TXNDC16: variants seen among roughly 807,000 people sequenced by gnomAD.
TXNDC16 encodes thioredoxin domain containing 16.
TXNDC16 carries 74 observed loss-of-function variants against 85.6 expected under a neutral mutation model. That is an observed-to-expected ratio of 0.86 (90% CI 0.72 to 1.05). The LOEUF (loss-of-function observed/expected upper bound fraction) is 1.05, where lower values mean the gene tolerates loss of function less well. TXNDC16 is among the 50% of genes least tolerant of loss of function. TXNDC16 has a pLI of 0.00. For synonymous variants in TXNDC16, 335 were observed against 326.5 expected (o/e 1.03, Z -0.28); for missense variants, 959 against 947.0 (o/e 1.01, Z -0.17).
intron 14 of TXNDC16, among the ~76,000 whole-genome samples, chr14:52,472,135 T>C (rs1222580670): frequency 2.0e-5 from 3 of 151,942 alleles, no homozygotes; most frequent in Admixed American, 6.6e-5. Context: ...TAATAACTTA[T>C]CACTTTAGAT....
At chr14:52,531,770 CAA>C (rs1045493056) in intron 6 of TXNDC16, among the ~76,000 whole-genome samples, 6 of 151,998 alleles carry the variant, frequency 3.9e-5, no homozygotes, top group South Asian at 2.1e-4. Context: ...ATGTAGAACA[CAA>C]AGAGTGAAAC....
intron 6 of TXNDC16, among the ~76,000 whole-genome samples, chr14:52,530,414 TA>T (rs1311346711): frequency 2.7e-4 from 6 of 22,558 alleles, no homozygotes; most frequent in African/African-American, 1.3e-3. Flanking sequence ...ATAATTATTA[TA>T]TAATATTATA....
chr14:52,475,186 A>G (rs1208997339), intron 14 of TXNDC16, among the ~76,000 whole-genome samples: 1 of 152,172 alleles, frequency 6.6e-6, no homozygotes, highest in African/African-American at 2.4e-5. Flanking sequence ...TGGGTCCCCT[A>G]CCAAGCCATT....
intron 6 of TXNDC16, among the ~76,000 whole-genome samples, chr14:52,530,318 AATTATTTT>A (rs2037490936): frequency 2.1e-5 from 1 of 47,860 alleles, no homozygotes; most frequent in East Asian, 1.7e-3. Context: ...TATAATATAT[AATTATTTT>A]TATATTATAT....
chr14:52,506,524 A>AC (rs1466825885), intron 9 of TXNDC16, among the ~76,000 whole-genome samples: 1 of 112,476 alleles, frequency 8.9e-6, no homozygotes, highest in Non-Finnish European at 1.8e-5. Context: ...AATTTCAACA[A>AC]CCCTTTTTTT....
rs1400997143 is a variant in TXNDC16, at chr14:52,530,323, T to TA, written c.392+6395_392+6396insT. ...AATATTAATATATAATATATAATTA[T>TA]TTTTATATTATATATAATTATATAT... On this transcript the variant is annotated intron_variant, in intron 6 of 20. Transcript: ENST00000281741. 2.9e-3 allele frequency among the ~76,000 whole-genome samples: 137 copies of TA among 47,002 alleles called. 7 individuals carry two copies. In the East Asian group the frequency reaches 0.031, roughly 11 times the overall value. 30.8% of individuals were successfully genotyped at this position (47,002 alleles called of 152,430 possible).
Position 52,502,754 on chromosome 14 carries a change from C to T in TXNDC16, c.756+8486G>A, listed in dbSNP as rs113591113. ...AGGACAGTCGGTACAGCGCACCGAGCGTGACCCGAAGCAGGGTGACGCATC... is the reference window on the plus strand; with the variant it reads ...AGGACAGTCGGTACAGCGCACCGAGTGTGACCCGAAGCAGGGTGACGCATC... On this transcript the variant is annotated intron_variant, in intron 9 of 20. Coordinates refer to ENST00000281741, the MANE Select transcript of TXNDC16 (RefSeq NM_020784.3). Among the ~76,000 whole-genome samples the T allele has an allele frequency of 3.4e-3, 524 of 152,218 alleles. 4 individuals carry two copies. Among genetic ancestry groups the T allele is most frequent in the African/African-American group, 0.012 (503 of 41,546 alleles).
chr14:52,515,146 G>A (rs1449958687), intron 7 of TXNDC16, among the ~76,000 whole-genome samples, 176 bp from the exon 8 acceptor site: 7 of 152,146 alleles, frequency 4.6e-5, no homozygotes, highest in African/African-American at 1.4e-4. Flanking sequence ...GTTATAAAAA[G>A]TCTATTCTAT....
chr14:52,548,175 A>G (rs753353980), intron 1 of TXNDC16, among the ~76,000 whole-genome samples: 6 of 152,232 alleles, frequency 3.9e-5, no homozygotes, highest in African/African-American at 7.2e-5. Flanking sequence ...CTATTATGTG[A>G]CGGTTACTAT....
At chr14:52,484,921 A>G (rs1359483582) in intron 12 of TXNDC16, among the ~76,000 whole-genome samples, 1 of 152,224 alleles carries the variant, frequency 6.6e-6, no homozygotes, top group Non-Finnish European at 1.5e-5. Context: ...AATTATGTAC[A>G]GTAAATAATA....
intron 1 of TXNDC16, among the ~76,000 whole-genome samples, chr14:52,547,816 G>A (rs1264966639): frequency 6.6e-6 from 1 of 152,176 alleles, no homozygotes; most frequent in African/African-American, 2.4e-5. Context: ...AGTGAAGATG[G>A]TAATTTTGAA....
chr14:52,536,846 T>G, intron 5 of TXNDC16, 53 bp from the exon 6 acceptor site: 1 of 1,423,896 alleles, frequency 7.0e-7, no homozygotes, highest in Non-Finnish European at 9.7e-7. Context: ...AAATATTTCC[T>G]TAGAATTCAA....
At chr14:52,507,840 G>C (rs1481489284) in intron 9 of TXNDC16, among the ~76,000 whole-genome samples, 2 of 152,306 alleles carry the variant, frequency 1.3e-5, no homozygotes, top group East Asian at 3.9e-4. Context: ...AATAAATGGT[G>C]CTGGAAAAAC....
chr14:52,500,448 C>T (rs940643636), intron 9 of TXNDC16, among the ~76,000 whole-genome samples: 3 of 152,054 alleles, frequency 2.0e-5, no homozygotes, highest in African/African-American at 7.2e-5. Context: ...TCAAGGACTG[C>T]GGTCAGGTAG....
At chr14:52,443,485 A>C (rs900711726) in intron 18 of TXNDC16, among the ~76,000 whole-genome samples, 1 of 152,240 alleles carries the variant, frequency 6.6e-6, no homozygotes, top group Non-Finnish European at 1.5e-5. Context: ...TTAGGAATTG[A>C]TATTTGAGCT....
chr14:52,490,795 T>C (rs760139428), intron 10 of TXNDC16, 44 bp downstream of exon 10: 2 of 1,575,312 alleles, frequency 1.3e-6, no homozygotes, highest in South Asian at 1.2e-5. Context: ...GTGGAAACTA[T>C]TAGCGTTTTG....
chr14:52,544,803 T>C (rs532266114), intron 1 of TXNDC16, among the ~76,000 whole-genome samples: 8 of 152,184 alleles, frequency 5.3e-5, no homozygotes, highest in South Asian at 2.1e-4. Context: ...CATCAATTTT[T>C]AATAATGAGT....
At chr14:52,528,865 A>G (rs1475910150) in intron 6 of TXNDC16, among the ~76,000 whole-genome samples, 2 of 144,776 alleles carry the variant, frequency 1.4e-5, no homozygotes, top group Non-Finnish European at 3.1e-5. Flanking sequence ...GTATATATAT[A>G]ATACCTATTA....
intron 14 of TXNDC16, among the ~76,000 whole-genome samples, chr14:52,476,260 A>G (rs2140138400): frequency 6.6e-6 from 1 of 152,252 alleles, no homozygotes; most frequent in Non-Finnish European, 1.5e-5. Context: ...GTAATATGAC[A>G]AAGCAAGATT....
Sources: allele counts gnomAD v4.1 joint callset (sites outside exome capture counted in the v4.1 genomes callset), GRCh38; gene constraint gnomAD v4.1.1; transcripts MANE v1.5; gene names NCBI Gene and HGNC (gene_info 2026-07-23, HGNC 2026-07-21).